Variants in VSTM5 observed in about 807,000 individuals in gnomAD.
The protein encoded by VSTM5 is V-set and transmembrane domain containing 5.
VSTM5 carries 21 observed loss-of-function variants against 20.3 expected under a neutral mutation model. The ratio of observed to expected loss-of-function variants is 1.03; its 90% CI spans 0.73 to 1.49. The LOEUF is 1.49. Among genes scored for constraint, VSTM5 ranks in the 40% most tolerant of loss-of-function variants. The probability of loss-of-function intolerance (pLI) is 0.00; values close to 1 mark genes in which losing one functional copy is unlikely to be tolerated. For synonymous variants in VSTM5, 100 were observed against 102.5 expected (o/e 0.98, Z 0.14); for missense variants, 219 against 250.0 (o/e 0.88, Z 0.84).
At chr11:93,841,216 C>T (rs1310517259) in intron 1 of VSTM5, among the ~76,000 whole-genome samples, 1 of 147,766 alleles carries the variant, frequency 6.8e-6, no homozygotes, top group African/African-American at 2.5e-5. Flanking sequence ...CGGACCTAAT[C>T]CTTCATCCAG....
In VSTM5 at chr11:93,821,241, G is replaced by A. The variant is rs773601916; in HGVS notation, c.174C>T (p.Ser58=). Residue 58 remains serine (S), a synonymous_variant, in exon 2 of 4, where the codon TCC becomes TCT. Transcript: ENST00000409977. ...ATTCGATGGTGGGCACTCCATGACA[G>A]GAGTACTCAACTGAGAGCAGGATGT... ...KEDILLSVEY[S]CHGVPTIEWT... The A allele has an allele frequency of 3.4e-5, 52 of 1,551,806 alleles. 1 individual carries two copies. The Middle Eastern group carries it at 8.3e-4, about 25-fold the overall frequency.
intron 1 of VSTM5, among the ~76,000 whole-genome samples, chr11:93,842,190 G>A (rs1039698290): frequency 2.6e-5 from 4 of 152,182 alleles, no homozygotes; most frequent in Non-Finnish European, 5.9e-5. Context: ...TTTTTGGTAA[G>A]GTAATGATCT....
chr11:93,831,533 T>C (rs1258508831), intron 1 of VSTM5, among the ~76,000 whole-genome samples: 1 of 152,184 alleles, frequency 6.6e-6, no homozygotes, highest in East Asian at 1.9e-4. Context: ...CAGGTGGTAA[T>C]TCCCCCTCTC....
intron 1 of VSTM5, 60 bp downstream of exon 1, chr11:93,850,352 G>T: frequency 7.7e-7 from 1 of 1,303,630 alleles, no homozygotes; most frequent in Non-Finnish European, 1.1e-6. Context: ...CCGGGGCCCC[G>T]CCCGTGCCCC....
intron 1 of VSTM5, among the ~76,000 whole-genome samples, chr11:93,840,785 G>A (rs2135738024): frequency 6.6e-6 from 1 of 152,264 alleles, no homozygotes. Context: ...ATTCAGTAGG[G>A]TGAGGTGAGT....
chr11:93,843,908 T>C (rs1944391586), intron 1 of VSTM5, among the ~76,000 whole-genome samples: 1 of 152,120 alleles, frequency 6.6e-6, no homozygotes, highest in African/African-American at 2.4e-5. Flanking sequence ...TCAGCTCAGC[T>C]CACCGCTTTC....
intron 1 of VSTM5, among the ~76,000 whole-genome samples, chr11:93,829,619 T>C (rs571506430): frequency 8.5e-5 from 13 of 152,240 alleles, no homozygotes; most frequent in African/African-American, 2.9e-4. Flanking sequence ...AGGGGCTCAA[T>C]AGGGGAGTTG....
At chr11:93,850,211 C>G (rs1032653228) in intron 1 of VSTM5, among the ~76,000 whole-genome samples, 21 of 152,018 alleles carry the variant, frequency 1.4e-4, no homozygotes, top group African/African-American at 5.1e-4. Flanking sequence ...GCCCCTCCCG[C>G]TACGGTCGGC....
At chr11:93,821,495 C>A in intron 1 of VSTM5, 172 bp from the exon 2 acceptor site, 1 of 650,418 alleles carries the variant, frequency 1.5e-6, no homozygotes, top group Non-Finnish European at 2.6e-6. Context: ...ACAAGGCTCC[C>A]TGGAGATAGA....
At chr11:93,846,672 T>C (rs1944412629) in intron 1 of VSTM5, among the ~76,000 whole-genome samples, 1 of 152,192 alleles carries the variant, frequency 6.6e-6, no homozygotes, top group Admixed American at 6.5e-5. Context: ...TGCACTTCCT[T>C]TATCAACATG....
rs1047235784 is a variant in VSTM5, at chr11:93,850,021, A to T, written c.91+391T>A. Among the ~76,000 whole-genome samples the T allele has an allele frequency of 2.6e-5, 4 of 152,354 alleles. No individual in the cohort carries two copies. The South Asian group carries it at 8.3e-4, about 32-fold the overall frequency. On this transcript the variant is annotated intron_variant, in intron 1 of 3. Transcript: ENST00000409977. ...CAGTAGGGGGCGGCGCACGGACTGC[A>T]ATCTGGTTATTCCAGGAAAAAGAAA...
chr11:93,836,660 T>G (rs1044327658), intron 1 of VSTM5, among the ~76,000 whole-genome samples: 3 of 152,248 alleles, frequency 2.0e-5, no homozygotes, highest in African/African-American at 7.2e-5. Flanking sequence ...TCTTCTTGTA[T>G]GTTTTCATAG....
Position 93,821,559 on chromosome 11 carries a change from C to T in VSTM5, c.92-236G>A, listed in dbSNP as rs1352378016. On this transcript the variant is annotated intron_variant, in intron 1 of 3. Transcript: ENST00000409977. ...CATTTTGAAGACTATTTAGAATGCT[C>T]CCTTTTATTTCAACATGAAATCTGA... 4.0e-5 allele frequency: 21 copies of T among 530,148 alleles called. No homozygotes were observed. The East Asian group carries it at 5.1e-4, about 13-fold the overall frequency. 32.8% of individuals were successfully genotyped at this position (530,148 alleles called of 1,614,324 possible). A position where few individuals can be genotyped will look rare whatever the true frequency, so the allele number is the denominator to read the frequency against.
intron 1 of VSTM5, among the ~76,000 whole-genome samples, chr11:93,846,271 G>T (rs967577517): frequency 2.6e-5 from 4 of 152,196 alleles, no homozygotes; most frequent in African/African-American, 9.7e-5. Flanking sequence ...AGGTCCTGGG[G>T]ATAATGGAGA....
At chr11:93,842,839 T>G (rs1330499304) in intron 1 of VSTM5, among the ~76,000 whole-genome samples, 2 of 152,192 alleles carry the variant, frequency 1.3e-5, no homozygotes, top group East Asian at 3.9e-4. Flanking sequence ...CAGCGGCTCA[T>G]GCCTGTAATC....
intron 1 of VSTM5, among the ~76,000 whole-genome samples, chr11:93,833,731 C>A (rs549130258): frequency 1.3e-5 from 2 of 152,178 alleles, no homozygotes; most frequent in Non-Finnish European, 2.9e-5. Context: ...CGTGAGCTCT[C>A]TGTCCCCAGT....
chr11:93,828,904 G>A (rs1282969032), intron 1 of VSTM5, among the ~76,000 whole-genome samples: 2 of 152,202 alleles, frequency 1.3e-5, no homozygotes, highest in Non-Finnish European at 2.9e-5. Context: ...GGGAGGTGTA[G>A]TGGAGACACC....
Position 93,846,372 on chromosome 11 carries a change from G to A in VSTM5, c.91+4040C>T, listed in dbSNP as rs553085550. Among the ~76,000 whole-genome samples, 384 of 152,282 alleles carry A rather than the reference G, an allele frequency of 2.5e-3. 2 individuals carry two copies. The highest frequency in any genetic ancestry group is 3.5e-3 in the Non-Finnish European group (238 of 68,028). On this transcript the variant is annotated intron_variant, in intron 1 of 3. Coordinates refer to ENST00000409977, the MANE Select transcript of VSTM5 (RefSeq NM_001144871.2). ...AGATCAGGAAGTAAGACATTTGTGT[G>A]ACTTTCCAGTTGACTCCAGCCCGCA...
chr11:93,832,783 G>A (rs1383415368), intron 1 of VSTM5, among the ~76,000 whole-genome samples: 1 of 152,210 alleles, frequency 6.6e-6, no homozygotes, highest in Non-Finnish European at 1.5e-5. Flanking sequence ...AAGGCTCAGA[G>A]ACGTAAGTGT....
Sources: allele counts gnomAD v4.1 joint callset (sites outside exome capture counted in the v4.1 genomes callset), GRCh38; gene constraint gnomAD v4.1.1; transcripts MANE v1.5; gene names NCBI Gene and HGNC (gene_info 2026-07-23, HGNC 2026-07-21).